THSD7B: variants seen among roughly 807,000 people sequenced by gnomAD.
THSD7B encodes the protein thrombospondin type-1 domain-containing protein 7B.
In THSD7B, 138 loss-of-function variants were observed where a neutral mutation model predicts 213.6. The observed-to-expected ratio is 0.65, with a 90% CI of 0.56 to 0.74. The LOEUF (loss-of-function observed/expected upper bound fraction) is 0.74, where lower values mean the gene tolerates loss of function less well. THSD7B is among the 30% of genes least tolerant of loss of function. THSD7B has a pLI of 0.00. For missense variants in THSD7B, 1,931 were observed against 1,991.5 expected (o/e 0.97, Z 0.58); for synonymous variants, 742 against 687.0 (o/e 1.08, Z -1.25).
At chr2:136,983,370 C>CA (rs763445594) in intron 2 of THSD7B, among the ~76,000 whole-genome samples, 27 of 144,238 alleles carry the variant, frequency 1.9e-4, no homozygotes, top group East Asian at 4.1e-4. Context: ...CACACACACA[C>CA]GCACACACAC....
intron 14 of THSD7B, among the ~76,000 whole-genome samples, chr2:137,430,989 T>C (rs574354570): frequency 6.6e-6 from 1 of 152,304 alleles, no homozygotes; most frequent in South Asian, 2.1e-4. Context: ...AGAACAATTA[T>C]TAGTGTCGAC....
intron 14 of THSD7B, among the ~76,000 whole-genome samples, chr2:137,430,883 G>C (rs1687165213): frequency 6.6e-6 from 1 of 152,194 alleles, no homozygotes; most frequent in African/African-American, 2.4e-5. Context: ...AGGTAGAAAA[G>C]TGAGCTAGGG....
chr2:136,977,484 T>G (rs1479652291), intron 2 of THSD7B, among the ~76,000 whole-genome samples: 3 of 152,162 alleles, frequency 2.0e-5, no homozygotes, highest in African/African-American at 7.2e-5. Flanking sequence ...ATCTTGGTTG[T>G]TTCTTGTCTT....
chr2:137,462,357 T>C (rs1410393036), intron 15 of THSD7B, among the ~76,000 whole-genome samples: 1 of 152,058 alleles, frequency 6.6e-6, no homozygotes, highest in Non-Finnish European at 1.5e-5. Context: ...ATTCACTCAC[T>C]CCCTCTTGAG....
intron 6 of THSD7B, among the ~76,000 whole-genome samples, chr2:137,160,643 A>C (rs1469252431): frequency 6.6e-6 from 1 of 152,174 alleles, no homozygotes; most frequent in Non-Finnish European, 1.5e-5. Flanking sequence ...TTGTTTTCCA[A>C]GATGAGGTCT....
intron 4 of THSD7B, among the ~76,000 whole-genome samples, chr2:137,114,355 T>A (rs948870543): frequency 6.6e-6 from 1 of 152,216 alleles, no homozygotes; most frequent in African/African-American, 2.4e-5. Context: ...AATAATTCTC[T>A]AGGTATGAAT....
chr2:137,039,710 TCA>T (rs930962054), intron 2 of THSD7B, among the ~76,000 whole-genome samples: 3 of 152,250 alleles, frequency 2.0e-5, no homozygotes, highest in Non-Finnish European at 4.4e-5. Flanking sequence ...CTGCTGAAGG[TCA>T]CACAGTGCTG....
chr2:137,033,990 C>A (rs762803371), intron 2 of THSD7B, among the ~76,000 whole-genome samples: 40 of 151,664 alleles, frequency 2.6e-4, no homozygotes, highest in Non-Finnish European at 1.8e-4. Flanking sequence ...CACCTCCCGC[C>A]CCCCATGTCC....
chr2:137,421,626 T>C (rs1269175299), intron 14 of THSD7B, among the ~76,000 whole-genome samples: 2 of 152,274 alleles, frequency 1.3e-5, no homozygotes, highest in East Asian at 1.9e-4. Context: ...CTGGTCCTCT[T>C]GAGTTTTTAT....
At chr2:137,026,499 T>C (rs1366952310) in intron 2 of THSD7B, among the ~76,000 whole-genome samples, 1 of 152,206 alleles carries the variant, frequency 6.6e-6, no homozygotes, top group East Asian at 1.9e-4. Context: ...TGGTTTTTTA[T>C]AGTACTAGGC....
intron 2 of THSD7B, among the ~76,000 whole-genome samples, chr2:136,912,335 A>AAT (rs1558849372): frequency 1.5e-5 from 2 of 135,186 alleles, no homozygotes; most frequent in Non-Finnish European, 3.3e-5. Context: ...AAAAAAAAAA[A>AAT]AAAAAAAAAA....
intron 2 of THSD7B, among the ~76,000 whole-genome samples, chr2:136,987,874 T>G (rs1685696946): frequency 6.6e-6 from 1 of 152,192 alleles, no homozygotes; most frequent in Non-Finnish European, 1.5e-5. Context: ...AAGCCAAGAC[T>G]TCCCCACATC....
At chr2:137,555,064 G>T (rs1680928616) in intron 15 of THSD7B, among the ~76,000 whole-genome samples, 1 of 152,200 alleles carries the variant, frequency 6.6e-6, no homozygotes. Flanking sequence ...ACTGGGTGGA[G>T]CCCACTGCAG....
intron 14 of THSD7B, among the ~76,000 whole-genome samples, chr2:137,429,088 G>C (rs1573620419): frequency 6.6e-6 from 1 of 152,288 alleles, no homozygotes; most frequent in East Asian, 1.9e-4. Flanking sequence ...CCATTTGAAG[G>C]TATTTTGTTA....
chr2:137,236,870 G>C (rs1681774852), intron 9 of THSD7B, among the ~76,000 whole-genome samples: 1 of 152,162 alleles, frequency 6.6e-6, no homozygotes, highest in Non-Finnish European at 1.5e-5. Context: ...CAGCACTTTG[G>C]GAGGCCGAGG....
At position 137,572,478 on chromosome 2, in the gene THSD7B, A is replaced by G; in HGVS notation, c.3345A>G (p.Pro1115=). The change falls in exon 17 of 28, where the codon CCA becomes CCG. Residue 1115 remains proline, a synonymous_variant. Transcript: ENST00000409968. ...TGTGCAACCAGGATGAAATTCCCCC[A>G]GAAACCCAGTCCTGTTCTCTTATGT... The part of the protein sequence containing the change: ...SNLCNQDEIP[P]ETQSCSLMCP... 1 of 1,613,918 alleles carries G rather than the reference A, an allele frequency of 6.2e-7. No homozygotes were observed. The highest frequency in any genetic ancestry group is 8.5e-7 in the Non-Finnish European group (1 of 1,179,852).
intron 9 of THSD7B, among the ~76,000 whole-genome samples, chr2:137,241,911 G>GAAAAAA (rs201903054): frequency 9.5e-6 from 1 of 105,584 alleles, no homozygotes; most frequent in African/African-American, 3.5e-5. Flanking sequence ...TCCATCTCAG[G>GAAAAAA]AAAAAAAAAA....
At chr2:137,442,583 T>C (rs1330913884) in intron 14 of THSD7B, among the ~76,000 whole-genome samples, 3 of 152,054 alleles carry the variant, frequency 2.0e-5, no homozygotes, top group Admixed American at 1.3e-4. Flanking sequence ...TTGCTGGTCC[T>C]TGTGGCATAA....
At chr2:137,105,112 A>G (rs925902434) in intron 4 of THSD7B, among the ~76,000 whole-genome samples, 1 of 152,200 alleles carries the variant, frequency 6.6e-6, no homozygotes, top group Non-Finnish European at 1.5e-5. Context: ...CAACAACAAA[A>G]GAATTTCAGG....
Sources: gnomAD v4.1 joint callset for allele counts (sites outside exome capture counted in the v4.1 genomes callset) on GRCh38, gnomAD v4.1.1 for gene constraint, MANE v1.5 for transcripts, NCBI Gene and HGNC (gene_info 2026-07-23, HGNC 2026-07-21) for gene names.